Variants in SUPT3H observed in about 807,000 individuals in gnomAD.
The protein encoded by SUPT3H is SPT3 homolog, SAGA and STAGA complex component.
In SUPT3H, 44 loss-of-function variants were observed where a neutral mutation model predicts 44.3. That is an observed-to-expected ratio of 0.99 (90% CI 0.78 to 1.28). The LOEUF is 1.28. Ranked by LOEUF, SUPT3H falls within the 50% of genes most tolerant of loss-of-function variation. The pLI is 0.00. For synonymous variants in SUPT3H, 124 were observed against 125.6 expected (o/e 0.99, Z 0.09); for missense variants, 380 against 387.1 (o/e 0.98, Z 0.15).
intron 1 of SUPT3H, among the ~76,000 whole-genome samples, chr6:45,374,862 G>T (rs1363911366): frequency 1.3e-5 from 2 of 152,112 alleles, no homozygotes; most frequent in African/African-American, 2.4e-5. Context: ...CTTATTCCAG[G>T]TATCTTATTT....
At chr6:45,252,811 G>A (rs1408905053) in intron 2 of SUPT3H, among the ~76,000 whole-genome samples, 27 of 152,282 alleles carry the variant, frequency 1.8e-4, no homozygotes, top group Admixed American at 1.6e-3. Context: ...GGTCAGGGCT[G>A]TGATGAATAA....
At chr6:45,316,666 A>G (rs982511005) in intron 2 of SUPT3H, among the ~76,000 whole-genome samples, 6 of 152,200 alleles carry the variant, frequency 3.9e-5, no homozygotes, top group Admixed American at 3.3e-4. Flanking sequence ...CTCATTAACA[A>G]TAGCTACCAA....
At chr6:45,225,016 C>T (rs1766697394) in intron 2 of SUPT3H, among the ~76,000 whole-genome samples, 1 of 152,004 alleles carries the variant, frequency 6.6e-6, no homozygotes, top group African/African-American at 2.4e-5. Flanking sequence ...TGGTGACTCA[C>T]ACCTGTAATC....
chr6:45,340,544 G>C (rs141420221), intron 2 of SUPT3H, among the ~76,000 whole-genome samples: 65 of 151,904 alleles, frequency 4.3e-4, no homozygotes, highest in Admixed American at 4.1e-3. Flanking sequence ...GGCTGGTCTC[G>C]AACTACTGGG....
At chr6:45,086,984 A>G (rs967630704) in intron 3 of SUPT3H, among the ~76,000 whole-genome samples, 6 of 151,984 alleles carry the variant, frequency 3.9e-5, no homozygotes, top group African/African-American at 1.4e-4. Flanking sequence ...TTATAATTAC[A>G]TAATTCGGTT....
intron 6 of SUPT3H, among the ~76,000 whole-genome samples, chr6:44,973,600 C>G (rs958084618): frequency 6.6e-6 from 1 of 152,176 alleles, no homozygotes; most frequent in African/African-American, 2.4e-5. Flanking sequence ...AAGTCACTTC[C>G]ACATTTTCAG....
intron 10 of SUPT3H, among the ~76,000 whole-genome samples, chr6:44,902,512 G>A (rs1283845808): frequency 1.3e-5 from 2 of 152,030 alleles, no homozygotes; most frequent in Non-Finnish European, 2.9e-5. Context: ...CCCAATACAG[G>A]AGCACCCAGA....
At chr6:44,882,183 T>A (rs1052847883) in intron 10 of SUPT3H, among the ~76,000 whole-genome samples, 2 of 151,898 alleles carry the variant, frequency 1.3e-5, no homozygotes, top group Non-Finnish European at 2.9e-5. Flanking sequence ...ATAGACACAA[T>A]AAAAAATGAT....
At chr6:45,250,763 A>G (rs1772224523) in intron 2 of SUPT3H, among the ~76,000 whole-genome samples, 1 of 152,140 alleles carries the variant, frequency 6.6e-6, no homozygotes, top group African/African-American at 2.4e-5. Context: ...AGATCCTAAA[A>G]GCATCAAGTA....
chr6:44,848,790 A>G (rs1220785420), intron 10 of SUPT3H, among the ~76,000 whole-genome samples: 2 of 152,244 alleles, frequency 1.3e-5, no homozygotes, highest in Non-Finnish European at 2.9e-5. Context: ...CTGTGGCTCA[A>G]AAAGGTTAAA....
At chr6:45,041,226 T>G (rs1443713165) in intron 3 of SUPT3H, among the ~76,000 whole-genome samples, 1 of 152,166 alleles carries the variant, frequency 6.6e-6, no homozygotes, top group Non-Finnish European at 1.5e-5. Flanking sequence ...AAAAACTCAG[T>G]TCACTGAAAC....
chr6:45,269,546 T>C (rs972712788), intron 2 of SUPT3H, among the ~76,000 whole-genome samples: 5 of 152,186 alleles, frequency 3.3e-5, no homozygotes, highest in Admixed American at 2.0e-4. Context: ...TCTCTCAAAG[T>C]ATTATCCCCT....
chr6:45,157,637 C>G (rs1808054349), intron 2 of SUPT3H, among the ~76,000 whole-genome samples: 1 of 151,916 alleles, frequency 6.6e-6, no homozygotes, highest in South Asian at 2.1e-4. Flanking sequence ...CAACCTCCAG[C>G]TCCCGGGTTG....
intron 11 of SUPT3H, among the ~76,000 whole-genome samples, chr6:44,813,686 T>G: frequency 1.4e-5 from 2 of 139,466 alleles, no homozygotes; most frequent in African/African-American, 2.7e-5. Flanking sequence ...AATCAAATGG[T>G]GATGGTATAA....
chr6:45,343,848 C>T (rs967706130), intron 2 of SUPT3H, among the ~76,000 whole-genome samples: 2 of 152,172 alleles, frequency 1.3e-5, no homozygotes, highest in African/African-American at 2.4e-5. Flanking sequence ...CTTCTAGGTG[C>T]TTAAAATCAT....
chr6:45,266,639 C>CA (rs1775310763), intron 2 of SUPT3H, among the ~76,000 whole-genome samples: 1 of 151,914 alleles, frequency 6.6e-6, no homozygotes, highest in African/African-American at 2.4e-5. Context: ...TTTTCACATT[C>CA]AACTAAGTAA....
rs577606491 is a variant in SUPT3H, at chr6:45,076,537, T to C, written c.186+29385A>G. On this transcript the variant is annotated intron_variant, in intron 3 of 10. Coordinates refer to ENST00000371459, the MANE Select transcript of SUPT3H (RefSeq NM_003599.4). ...AAACTAGGGCAGAGACTCTGATGTA[T>C]TCTCTGATACAAACAGGCTCTTCCA... is the stretch of plus-strand genomic sequence containing the variant. Among the ~76,000 whole-genome samples the C allele has an allele frequency of 4.6e-5, 7 of 151,974 alleles. No individual in the cohort carries two copies. The East Asian group carries it at 1.2e-3, about 25-fold the overall frequency.
chr6:45,167,650 A>C (rs976898662), intron 2 of SUPT3H, among the ~76,000 whole-genome samples: 1 of 144,254 alleles, frequency 6.9e-6, no homozygotes, highest in Non-Finnish European at 1.5e-5. Context: ...GACACAAGAC[A>C]CTTGTGATTT....
chr6:44,961,504 TA>T (rs1203996780), intron 7 of SUPT3H, among the ~76,000 whole-genome samples: 2 of 152,132 alleles, frequency 1.3e-5, no homozygotes, highest in Non-Finnish European at 2.9e-5. Context: ...GTACTGTAAA[TA>T]ATTACCATAG....
Sources: allele counts gnomAD v4.1 joint callset (sites outside exome capture counted in the v4.1 genomes callset), GRCh38; gene constraint gnomAD v4.1.1; transcripts MANE v1.5; gene names NCBI Gene and HGNC (gene_info 2026-07-23, HGNC 2026-07-21).